The following ASTN2 variants were observed in gnomAD, a reference collection of about 807,000 sequenced individuals.
ASTN2 encodes astrotactin-2.
In ASTN2, 54 loss-of-function variants were observed where a neutral mutation model predicts 139.8. The ratio of observed to expected loss-of-function variants is 0.39; its 90% CI spans 0.31 to 0.48. ASTN2 has a LOEUF of 0.48. Ranked by LOEUF, ASTN2 falls within the 20% of genes least tolerant of loss-of-function variation. ASTN2 has a pLI of 0.95. For synonymous variants in ASTN2, 756 were observed against 719.5 expected (o/e 1.05, Z -0.81); for missense variants, 1,565 against 1,725.1 (o/e 0.91, Z 1.64).
chr9:116,681,920 C>T (rs1171883735), intron 16 of ASTN2, among the ~76,000 whole-genome samples: 6 of 151,034 alleles, frequency 4.0e-5, no homozygotes, highest in Non-Finnish European at 8.9e-5. Flanking sequence ...ACCATAAAAA[C>T]CCTAGAAGAA....
chr9:116,897,633 C>T (rs761273393), intron 10 of ASTN2, among the ~76,000 whole-genome samples: 27 of 151,874 alleles, frequency 1.8e-4, no homozygotes, highest in Non-Finnish European at 2.2e-4. Flanking sequence ...ATTCATATGC[C>T]GGAATGTTCT....
chr9:116,993,877 T>TATATATA (rs1554767627), intron 7 of ASTN2, among the ~76,000 whole-genome samples: 1 of 114,302 alleles, frequency 8.7e-6, no homozygotes, highest in Non-Finnish European at 1.8e-5. Context: ...TATATATATA[T>TATATATA]TTTAACTATA....
intron 3 of ASTN2, among the ~76,000 whole-genome samples, chr9:117,159,376 G>A (rs756783257): frequency 1.8e-4 from 27 of 151,900 alleles, no homozygotes; most frequent in Non-Finnish European, 3.8e-4. Flanking sequence ...AATTTCTCAA[G>A]CGAAAAAGAA....
chr9:116,474,681 T>C (rs1848921594), intron 20 of ASTN2, among the ~76,000 whole-genome samples: 1 of 152,222 alleles, frequency 6.6e-6, no homozygotes, highest in Non-Finnish European at 1.5e-5. Flanking sequence ...GCCTGGCCTC[T>C]AGCCTGGTTT....
intron 6 of ASTN2, among the ~76,000 whole-genome samples, chr9:117,020,617 C>T (rs548111879): frequency 5.3e-5 from 8 of 152,148 alleles, no homozygotes; most frequent in South Asian, 4.2e-4. Flanking sequence ...TTTCTTATAT[C>T]GGTATCACCA....
At chr9:116,510,065 A>C (rs1850301087) in intron 19 of ASTN2, among the ~76,000 whole-genome samples, 1 of 152,178 alleles carries the variant, frequency 6.6e-6, no homozygotes, top group African/African-American at 2.4e-5. Flanking sequence ...GGTGTTTGAG[A>C]CACGAAGTCC....
chr9:116,647,335 T>G (rs1857647608), intron 17 of ASTN2, among the ~76,000 whole-genome samples: 1 of 152,174 alleles, frequency 6.6e-6, no homozygotes, highest in Admixed American at 6.5e-5. Context: ...CAGTGGGGGC[T>G]CAAAGATACT....
At chr9:117,412,374 G>A (rs920293586) in intron 1 of ASTN2, among the ~76,000 whole-genome samples, 23 of 152,198 alleles carry the variant, frequency 1.5e-4, no homozygotes, top group African/African-American at 5.5e-4. Flanking sequence ...GGAGGGGGAA[G>A]TCTCCATGTG....
intron 5 of ASTN2, among the ~76,000 whole-genome samples, chr9:117,047,833 C>T (rs115895906): frequency 0.026 from 4,025 of 151,902 alleles, 170 homozygotes; most frequent in African/African-American, 0.09. Context: ...GTAAAGGATG[C>T]CATAATAATA....
intron 11 of ASTN2, among the ~76,000 whole-genome samples, chr9:116,842,078 T>A (rs1832278464): frequency 6.6e-6 from 1 of 152,208 alleles, no homozygotes; most frequent in East Asian, 1.9e-4. Context: ...TCTGTGGTGT[T>A]ACAAGTGGTT....
chr9:116,441,745 T>C (rs1338419599), intron 21 of ASTN2, among the ~76,000 whole-genome samples: 1 of 152,192 alleles, frequency 6.6e-6, no homozygotes, highest in Non-Finnish European at 1.5e-5. Context: ...TGTTCAACTT[T>C]AAGTAGACCA....
At chr9:116,874,808 C>A (rs570761567) in intron 10 of ASTN2, among the ~76,000 whole-genome samples, 40 of 152,260 alleles carry the variant, frequency 2.6e-4, no homozygotes, top group African/African-American at 9.1e-4. Context: ...TCGGTGGCTA[C>A]CCTGTGTCAA....
chr9:116,624,175 C>CA lies in ASTN2; in HGVS notation c.3073-3733dup, dbSNP rs768835422. On this transcript the variant is annotated intron_variant, in intron 17 of 22. Transcript: ENST00000313400. ...AACAGCCACAAAAATATTAAGCAAT[C>CA]AAAAAAAACTAGGATGTATTTCTGA... Among the ~76,000 whole-genome samples, 14 of 151,822 alleles carry CA rather than the reference C, an allele frequency of 9.2e-5. No individual in the cohort carries two copies. The East Asian group carries it at 1.4e-3, about 15-fold the overall frequency.
At chr9:116,712,327 T>A (rs971147574) in intron 16 of ASTN2, among the ~76,000 whole-genome samples, 1 of 152,226 alleles carries the variant, frequency 6.6e-6, no homozygotes, top group African/African-American at 2.4e-5. Context: ...ACACTTTATA[T>A]TTCTCCCTCT....
At chr9:116,725,685 G>T in intron 16 of ASTN2, 86 bp downstream of exon 16, 2 of 1,381,656 alleles carry the variant, frequency 1.4e-6, no homozygotes, top group Non-Finnish European at 9.9e-7. Context: ...CCAGGATTTA[G>T]ATCCAAGGCA....
chr9:116,520,026 C>A (rs1031641825), intron 19 of ASTN2, among the ~76,000 whole-genome samples: 1 of 151,990 alleles, frequency 6.6e-6, no homozygotes, highest in Non-Finnish European at 1.5e-5. Context: ...AAACTACCAA[C>A]AAGAAATAGT....
At chr9:117,093,994 G>C (rs1828772030) in intron 5 of ASTN2, among the ~76,000 whole-genome samples, 2 of 152,058 alleles carry the variant, frequency 1.3e-5, no homozygotes, top group African/African-American at 4.8e-5. Flanking sequence ...AACCCCACAA[G>C]AGCAGGAATT....
intron 10 of ASTN2, among the ~76,000 whole-genome samples, chr9:116,940,481 T>A (rs1056790237): frequency 4.6e-5 from 7 of 152,188 alleles, no homozygotes; most frequent in African/African-American, 1.7e-4. Context: ...TGATCCTGAT[T>A]CTGTGTAGTC....
chr9:116,908,881 T>C (rs1834237928), intron 10 of ASTN2, among the ~76,000 whole-genome samples: 1 of 152,192 alleles, frequency 6.6e-6, no homozygotes, highest in Non-Finnish European at 1.5e-5. Context: ...ATGGGGCTAC[T>C]TGTACATCTG....
Sources: allele counts gnomAD v4.1 joint callset (sites outside exome capture counted in the v4.1 genomes callset), GRCh38; gene constraint gnomAD v4.1.1; transcripts MANE v1.5; gene names NCBI Gene and HGNC (gene_info 2026-07-23, HGNC 2026-07-21).